TFR2: variants seen among roughly 807,000 people sequenced by gnomAD.
TFR2 encodes the protein transferrin receptor protein 2.
TFR2 carries 64 observed loss-of-function variants against 91.9 expected under a neutral mutation model. That is an observed-to-expected ratio of 0.70 (90% CI 0.57 to 0.86). TFR2 has a LOEUF of 0.86. Ranked by LOEUF, TFR2 falls within the 40% of genes least tolerant of loss-of-function variation. The pLI is 0.00. For synonymous variants in TFR2, 454 were observed against 459.6 expected, an observed-to-expected ratio of 0.99 and a Z score of 0.15; for missense variants, 950 against 1,080.5, an observed-to-expected ratio of 0.88 and a Z score of 1.69.
rs1184777850 is a variant in TFR2, at chr7:100,630,989, G to A, written c.1170C>T (p.His390=). ...WQGSLLGSPY[H]LGPGPRLRLV... is the part of the protein sequence containing the mutation. ...GCCGCAGTCGTGGCCCGGGGCCCAG[G>A]TGATAAGGGGAGCCTAGGAGGCTCC... The change falls in exon 9 of 18, where the codon CAC becomes CAT. Residue 390 remains histidine (H), a synonymous_variant. Transcript: ENST00000223051. 20 of 1,606,868 alleles carry A rather than the reference G, an allele frequency of 1.2e-5. No homozygotes were observed. The highest frequency in any genetic ancestry group is 1.7e-5 in the Non-Finnish European group (20 of 1,176,936).
chr7:100,627,466 T>C lies in TFR2; in HGVS notation c.1793A>G (p.His598Arg). Reference protein sequence around the residue: ...MEDDQAYPFLHTKEDTYENLH... With the variant: ...MEDDQAYPFLRTKEDTYENLH... Reference sequence around the variant, plus strand: ...GTTCTCATAAGTGTCCTCCTTTGTGTGCAGGAATGGGTAGGCCTGGTCGTC... The same window carrying C: ...GTTCTCATAAGTGTCCTCCTTTGTGCGCAGGAATGGGTAGGCCTGGTCGTC... The change falls in exon 16 of 18, where the codon CAC becomes CGC. Residue 598 changes from histidine (H) to arginine (R), a missense_variant. Transcript: ENST00000223051. The C allele has an allele frequency of 6.2e-7, 1 of 1,606,678 alleles. No homozygotes were observed. Among genetic ancestry groups the C allele is most frequent in the African/African-American group, 1.3e-5 (1 of 74,930 alleles).
Position 100,639,133 on chromosome 7 carries a change from G to A in TFR2, c.473+1553C>T, listed in dbSNP as rs1322690068. ...TCCCAGCACTTTGGGAAGCCGAAGC[G>A]CTTTGGCAGATCGCTTGAGCTTACG... On this transcript the variant is annotated intron_variant, in intron 3 of 17. Transcript: ENST00000223051. 2.6e-5 allele frequency among the ~76,000 whole-genome samples: 4 copies of A among 152,204 alleles called. 1 individual carries two copies.
intron 3 of TFR2, 40 bp downstream of exon 3, chr7:100,640,646 A>G: frequency 1.2e-6 from 2 of 1,601,378 alleles, no homozygotes; most frequent in Non-Finnish European, 8.5e-7. Context: ...GGATGAGGGG[A>G]GGGACACTCG....
At chr7:100,631,636 A>AAT in intron 8 of TFR2, 170 bp downstream of exon 8, 2 of 800,060 alleles carry the variant, frequency 2.5e-6, no homozygotes, top group Non-Finnish European at 1.8e-6. Context: ...AAAAAAAAAA[A>AAT]GGTCAGGGTC....
At position 100,633,091 on chromosome 7, in the gene TFR2, G is replaced by T. The variant is rs765746785; in HGVS notation, c.759C>A (p.Pro253=). The T allele has an allele frequency of 2.0e-4, 316 of 1,613,354 alleles. No homozygotes were observed. The highest frequency in any genetic ancestry group is 2.6e-4 in the Non-Finnish European group (309 of 1,179,918). Residue 253 remains proline, a synonymous_variant, in exon 6 of 18, where the codon CCC becomes CCA. Transcript: ENST00000223051. ...GELVYAHYGR[P]EDLQDLRARG... is the part of the protein sequence containing the mutation. ...TGGCCCGCAGGTCCTGCAGGTCTTCGGGCCGCCCGTAGTGGGCGTACACCA... is the reference window on the plus strand; with the variant it reads ...TGGCCCGCAGGTCCTGCAGGTCTTCTGGCCGCCCGTAGTGGGCGTACACCA...
chr7:100,626,680 C>T (rs892580411), intron 17 of TFR2, 83 bp downstream of exon 17: 10 of 1,518,108 alleles, frequency 6.6e-6, no homozygotes, highest in Admixed American at 2.0e-5. Context: ...GAGAGGAGCG[C>T]GCAGACGGGG....
In TFR2 at chr7:100,628,146, G is replaced by A. The variant is rs1320274055; in HGVS notation, c.1474-10C>T. 6.2e-7 allele frequency: 1 copy of A among 1,613,948 alleles called. No homozygotes were observed. Among genetic ancestry groups the A allele is most frequent in the African/African-American group, 1.3e-5 (1 of 74,900 alleles). Reference sequence around the variant, plus strand: ...GCACGCTGAGGTAGCCCTGTGGGTGGGTGACCAGTGTGGAGTGGGAACCCC... The same window carrying A: ...GCACGCTGAGGTAGCCCTGTGGGTGAGTGACCAGTGTGGAGTGGGAACCCC... On this transcript the variant is annotated splice_polypyrimidine_tract_variant and intron_variant, in intron 11 of 17. Coordinates refer to ENST00000223051, the MANE Select transcript of TFR2 (RefSeq NM_003227.4).
chr7:100,637,244 A>T (rs1803591619), intron 3 of TFR2, among the ~76,000 whole-genome samples: 1 of 152,112 alleles, frequency 6.6e-6, no homozygotes, highest in African/African-American at 2.4e-5. Context: ...CACTAAAAAT[A>T]CAAAATTAGC....
At chr7:100,625,546 G>A (rs988077815) in intron 17 of TFR2, among the ~76,000 whole-genome samples, 4 of 152,142 alleles carry the variant, frequency 2.6e-5, no homozygotes, top group African/African-American at 9.7e-5. Flanking sequence ...TCCAGTAGAG[G>A]AGGCAAAGGT....
chr7:100,634,440 AC>A (rs1279189778), intron 3 of TFR2, among the ~76,000 whole-genome samples: 1 of 152,046 alleles, frequency 6.6e-6, no homozygotes, highest in South Asian at 2.1e-4. Context: ...TTTTTTGTAG[AC>A]GAGAAGTCTT....
intron 6 of TFR2, 167 bp downstream of exon 6, chr7:100,632,834 G>A: frequency 8.7e-7 from 1 of 1,145,614 alleles, no homozygotes; most frequent in Non-Finnish European, 1.3e-6. Context: ...GCCTCCTAAA[G>A]TGCTGGGATT....
At chr7:100,630,203 T>TCTTC (rs56033226) in intron 9 of TFR2, among the ~76,000 whole-genome samples, 2,198 of 149,732 alleles carry the variant, frequency 0.015, 15 homozygotes, top group African/African-American at 0.018. Flanking sequence ...CATGCTTGAG[T>TCTTC]CTTCCTTCCT....
intron 17 of TFR2, among the ~76,000 whole-genome samples, chr7:100,624,036 A>T (rs1423632469): frequency 6.6e-6 from 1 of 152,102 alleles, no homozygotes; most frequent in African/African-American, 2.4e-5. Context: ...AGTCTGGGTG[A>T]CATTAAGACA....
chr7:100,640,345 TC>T, intron 3 of TFR2: 1 of 321,698 alleles, frequency 3.1e-6, no homozygotes, highest in South Asian at 4.8e-5. Flanking sequence ...TCAGAACCCC[TC>T]AGCGCTCCCT....
rs1280667602 is a variant in TFR2, at chr7:100,633,523, C to A, written c.507G>T (p.Ser169=). The A allele has an allele frequency of 1.2e-6, 2 of 1,608,046 alleles. No individual in the cohort carries two copies. Among genetic ancestry groups the A allele is most frequent in the African/African-American group, 2.7e-5 (2 of 74,860 alleles). Residue 169 remains serine (S), a synonymous_variant, in exon 4 of 18, where the codon TCG becomes TCT. Coordinates refer to ENST00000223051, the MANE Select transcript of TFR2 (RefSeq NM_003227.4). ...QTSLRERVAG[S]AGMAALTQDI... ...CCTGAGTCAGAGCGGCCATCCCGGC[C>A]GAGCCTGCCACCCGTTCCCGAAGGC... is the stretch of plus-strand genomic sequence containing the variant.
chr7:100,641,372 G>T, intron 1 of TFR2, 105 bp downstream of exon 1: 1 of 1,515,998 alleles, frequency 6.6e-7, no homozygotes, highest in Non-Finnish European at 9.0e-7. Context: ...GGGAAGAAGC[G>T]AGGTCAGGAC....
At position 100,621,442 on chromosome 7, in the gene TFR2, C is replaced by CGG. The variant is rs561432436; in HGVS notation, c.2137-318_2137-317dup. Among the ~76,000 whole-genome samples, 235 of 152,188 alleles carry CGG rather than the reference C, an allele frequency of 1.5e-3. 1 individual carries two copies. The highest frequency in any genetic ancestry group is 3.4e-3 in the Middle Eastern group (1 of 294). On this transcript the variant is annotated intron_variant, in intron 17 of 17. Coordinates refer to ENST00000223051, the MANE Select transcript of TFR2 (RefSeq NM_003227.4). ...CTAATTTTTGTATTTTGAGTAGAGA[C>CGG]GGGGTTTCTCCGTGTTGGCCAGGCT...
rs768907730 is a variant in TFR2 at position 100,620,920 on chromosome 7, C to T, written c.2343G>A (p.Trp781Ter). 3.2e-5 allele frequency: 52 copies of T among 1,614,060 alleles called. No homozygotes were observed. Among genetic ancestry groups the T allele is most frequent in the Non-Finnish European group, 4.2e-5 (49 of 1,179,998 alleles). The change falls in exon 18 of 18, where the codon TGG becomes TGA. Residue 781 changes from tryptophan to a stop codon, truncating the protein, a stop_gained. Transcript: ENST00000223051. LOFTEE classifies it high-confidence loss of function. ...RFRRQLALLT[W>*]TLQGAANALS... ...GCGCATTGGCTGCCCCTTGCAGCGT[C>T]CAGGTGAGCAGGGCTAGCTGACGCC...
Position 100,632,079 on chromosome 7 carries a change from C to T in TFR2, c.966+3G>A. 1 of 1,614,146 alleles carries T rather than the reference C, an allele frequency of 6.2e-7. No individual in the cohort carries two copies. The highest frequency in any genetic ancestry group is 8.5e-7 in the Non-Finnish European group (1 of 1,180,008). On this transcript the variant is annotated splice_donor_region_variant and intron_variant, in intron 7 of 17. Transcript: ENST00000223051. ...ACAGCACGACCAGCCTCCCCAGACTCACATGTCCATACACTGCCTGCTGGC... is the reference window on the plus strand; with the variant it reads ...ACAGCACGACCAGCCTCCCCAGACTTACATGTCCATACACTGCCTGCTGGC...
Sources: allele counts gnomAD v4.1 joint callset (sites outside exome capture counted in the v4.1 genomes callset), GRCh38; gene constraint gnomAD v4.1.1; transcripts MANE v1.5; gene names NCBI Gene and HGNC (gene_info 2026-07-23, HGNC 2026-07-21).